The following SLC7A14 variants were observed in gnomAD, a reference collection of about 807,000 sequenced individuals.
SLC7A14 encodes gamma-aminobutyric acid transporter SLC7A14.
In SLC7A14, 37 loss-of-function variants were observed where a neutral mutation model predicts 60.2. That is an observed-to-expected ratio of 0.61 (90% CI 0.47 to 0.81). SLC7A14 has a LOEUF of 0.81. Ranked by LOEUF, SLC7A14 falls within the 30% of genes least tolerant of loss-of-function variation. The pLI, the probability that SLC7A14 is intolerant of heterozygous loss-of-function variation, is 0.00. For synonymous variants in SLC7A14, 399 were observed against 395.8 expected (o/e 1.01, Z -0.10); for missense variants, 886 against 982.7 (o/e 0.90, Z 1.32).
rs1368466428 is a variant in SLC7A14 at position 170,461,324 on chromosome 3, A to C, written c.*5731T>G. 6.6e-6 allele frequency: 1 copy of C among 152,238 alleles called. No homozygotes were observed. The highest frequency in any genetic ancestry group is 1.5e-5 in the Non-Finnish European group (1 of 68,050). 9.4% of individuals were successfully genotyped at this position (152,238 alleles called of 1,614,324 possible). A position where few individuals can be genotyped will look rare whatever the true frequency, so the allele number is the denominator to read the frequency against. ...CTTGTGGGTTCTAAGTCCTAAAAAAAAGAACACTCTATTTTCTTAGAGAAG... is the reference window on the plus strand; with the variant it reads ...CTTGTGGGTTCTAAGTCCTAAAAAACAGAACACTCTATTTTCTTAGAGAAG... On this transcript the variant is annotated 3_prime_UTR_variant, in exon 8 of 8. Coordinates refer to ENST00000231706, the MANE Select transcript of SLC7A14 (RefSeq NM_020949.3).
At chr3:170,488,081 T>C (rs1245981316) in intron 4 of SLC7A14, among the ~76,000 whole-genome samples, 1 of 152,178 alleles carries the variant, frequency 6.6e-6, no homozygotes, top group East Asian at 1.9e-4. Context: ...AAAATAAAAT[T>C]AAAAATACTT....
chr3:170,482,491 G>A (rs186382570), intron 6 of SLC7A14, among the ~76,000 whole-genome samples: 325 of 152,336 alleles, frequency 2.1e-3, no homozygotes, highest in Middle Eastern at 3.4e-3. Context: ...TGGCCTCCAC[G>A]GTTTACTCCT....
intron 2 of SLC7A14, among the ~76,000 whole-genome samples, chr3:170,514,571 G>A (rs1159667818): frequency 1.3e-5 from 2 of 152,218 alleles, no homozygotes; most frequent in Non-Finnish European, 2.9e-5. Flanking sequence ...TTAACAATGT[G>A]TTTTAAGGCA....
Position 170,480,618 on chromosome 3 carries a change from T to A in SLC7A14, c.1664A>T (p.Asp555Val). 6.2e-7 allele frequency: 1 copy of A among 1,614,218 alleles called. No individual in the cohort carries two copies. Among genetic ancestry groups the A allele is most frequent in the Non-Finnish European group, 8.5e-7 (1 of 1,180,032 alleles). Residue 555 changes from aspartate (D) to valine (V), a missense_variant, in exon 7 of 8, where the codon GAC (aspartate) becomes GTC (valine). Physicochemically the swap from Asp to Val is radical, Grantham distance 152 (BLOSUM62 -3). Transcript: ENST00000231706. ...GTGCCCCGTCGCTGCTGTGGGCCGG[T>A]CCATTTTGCCTGGAAGGCCCAGCCG... The part of the protein sequence containing the change: ...RIRLGLPGKM[D>V]RPTAATGHTV...
rs1244688747 is a variant in SLC7A14 at position 170,462,227 on chromosome 3, T to A, written c.*4828A>T. 1 of 152,202 alleles carries A rather than the reference T, an allele frequency of 6.6e-6. No individual in the cohort carries two copies. The highest frequency in any genetic ancestry group is 1.5e-5 in the Non-Finnish European group (1 of 68,044). The allele number at this position is 152,202 out of a possible 1,614,324, so 9.4% of individuals were successfully genotyped here. ...AAGGGGACGGCAATTTTCTCCAGTC[T>A]TCTATGTGGATTTTCAACCTGATGT... On this transcript the variant is annotated 3_prime_UTR_variant, in exon 8 of 8. Transcript: ENST00000231706.
At chr3:170,474,520 G>A (rs569363837) in intron 7 of SLC7A14, among the ~76,000 whole-genome samples, 4 of 152,224 alleles carry the variant, frequency 2.6e-5, no homozygotes, top group South Asian at 2.1e-4. Flanking sequence ...ATTCTTGCTC[G>A]TCTGAGCACA....
intron 3 of SLC7A14, among the ~76,000 whole-genome samples, chr3:170,500,268 C>A (rs1339401412): frequency 2.0e-5 from 3 of 151,884 alleles, no homozygotes; most frequent in African/African-American, 7.3e-5. Context: ...TTGTGAAACC[C>A]CATCTCTACT....
intron 1 of SLC7A14, among the ~76,000 whole-genome samples, chr3:170,536,334 T>A (rs984346120): frequency 2.0e-5 from 3 of 152,248 alleles, no homozygotes; most frequent in African/African-American, 7.2e-5. Context: ...AATGCTTTGC[T>A]TGCCAAAGAA....
intron 4 of SLC7A14, among the ~76,000 whole-genome samples, chr3:170,497,087 C>CAAAAAAAAAAAAAAAAAAAAAAAAAA (rs548290941): frequency 8.5e-5 from 8 of 94,256 alleles, no homozygotes; most frequent in Non-Finnish European, 1.3e-4. Context: ...TTATTTTGTC[C>CAAAAAAAAAAAAAAAAAAAAAAAAAA]AAAAAAAAAA....
At chr3:170,510,860 G>A (rs142656024) in intron 2 of SLC7A14, among the ~76,000 whole-genome samples, 1 of 152,218 alleles carries the variant, frequency 6.6e-6, no homozygotes, top group Non-Finnish European at 1.5e-5. Context: ...AGGTGAAGGC[G>A]CATGTTTTCT....
chr3:170,495,015 A>G (rs1712336666), intron 4 of SLC7A14, among the ~76,000 whole-genome samples: 2 of 152,156 alleles, frequency 1.3e-5, no homozygotes, highest in Non-Finnish European at 2.9e-5. Flanking sequence ...CTCCACTTTT[A>G]AGTAAGGGAT....
intron 1 of SLC7A14, 144 bp from the exon 2 acceptor site, chr3:170,527,232 A>G: frequency 2.4e-6 from 1 of 422,374 alleles, no homozygotes. Context: ...CCATGGTTCC[A>G]CTCTCCTTGC....
intron 1 of SLC7A14, among the ~76,000 whole-genome samples, chr3:170,538,177 T>C (rs1713907330): frequency 6.6e-6 from 1 of 152,240 alleles, no homozygotes; most frequent in African/African-American, 2.4e-5. Context: ...TCACTCTGGA[T>C]ATGCTAAATA....
intron 1 of SLC7A14, among the ~76,000 whole-genome samples, chr3:170,582,278 T>C (rs1299316276): frequency 6.6e-6 from 1 of 152,160 alleles, no homozygotes; most frequent in Admixed American, 6.5e-5. Flanking sequence ...AGGGTGTGTT[T>C]AGTACTGTCT....
rs1246692431 is a variant in SLC7A14 at position 170,482,533 on chromosome 3, C to A, written c.1115+781G>T. Among the ~76,000 whole-genome samples the A allele has an allele frequency of 2.6e-5, 4 of 152,360 alleles. No individual in the cohort carries two copies. In the East Asian group the frequency reaches 5.8e-4, roughly 22 times the overall value. ...GTGCACTTGAAGAATGCCTTCTCAG[C>A]AGGCCCCTCATGCTGGAAACAAAGG... is the stretch of plus-strand genomic sequence containing the variant. On this transcript the variant is annotated intron_variant, in intron 6 of 7. Coordinates refer to ENST00000231706, the MANE Select transcript of SLC7A14 (RefSeq NM_020949.3).
At chr3:170,502,211 C>T (rs912090895) in intron 2 of SLC7A14, among the ~76,000 whole-genome samples, 8 of 152,090 alleles carry the variant, frequency 5.3e-5, no homozygotes, top group Admixed American at 6.6e-5. Context: ...GAGGAGATGA[C>T]GCTGGCCAGC....
intron 3 of SLC7A14, among the ~76,000 whole-genome samples, chr3:170,499,923 C>T (rs1468963188): frequency 6.6e-6 from 1 of 152,178 alleles, no homozygotes; most frequent in Non-Finnish European, 1.5e-5. Flanking sequence ...TCTTTTAGAC[C>T]TAAAATTCTA....
chr3:170,500,542 A>T (rs1244351795), intron 3 of SLC7A14, among the ~76,000 whole-genome samples: 2 of 150,556 alleles, frequency 1.3e-5, no homozygotes, highest in Non-Finnish European at 2.9e-5. Flanking sequence ...TTTAGCATTC[A>T]CTGTTATATT....
In SLC7A14 at chr3:170,532,805, C is replaced by T. The variant is rs537127326; in HGVS notation, c.-152-5717G>A. On this transcript the variant is annotated intron_variant, in intron 1 of 7. Coordinates refer to ENST00000231706, the MANE Select transcript of SLC7A14 (RefSeq NM_020949.3). The surrounding 1 kb of genome is among the most constrained non-coding windows in gnomAD (Gnocchi z 4.0). ...CAGGGCTTTTTTCTGTTGAACCTCCCCTGGGTTTCTCCTGGCTGCAGCCTG... is the reference window on the plus strand; with the variant it reads ...CAGGGCTTTTTTCTGTTGAACCTCCTCTGGGTTTCTCCTGGCTGCAGCCTG... Among the ~76,000 whole-genome samples the T allele has an allele frequency of 3.9e-4, 60 of 152,230 alleles. No homozygotes were observed. In the Middle Eastern group the frequency reaches 0.01, roughly 26 times the overall value.
Sources: allele counts gnomAD v4.1 joint callset (sites outside exome capture counted in the v4.1 genomes callset), GRCh38; gene constraint gnomAD v4.1.1; non-coding constraint Gnocchi (gnomAD v3.1); transcripts MANE v1.5; gene names NCBI Gene and HGNC (gene_info 2026-07-23, HGNC 2026-07-21).